The following FER1L6 variants were observed in gnomAD, a reference collection of about 807,000 sequenced individuals.
FER1L6 encodes fer-1 like family member 6.
In FER1L6, 177 loss-of-function variants were observed where a neutral mutation model predicts 219.2. That is an observed-to-expected ratio of 0.81 (90% CI 0.71 to 0.91). The LOEUF (loss-of-function observed/expected upper bound fraction) is 0.91, where lower values mean the gene tolerates loss of function less well. FER1L6 is among the 40% of genes least tolerant of loss of function. The pLI, the probability that FER1L6 is intolerant of heterozygous loss-of-function variation, is 0.00. For missense variants in FER1L6, 2,153 were observed against 2,259.9 expected (o/e 0.95, Z 0.96); for synonymous variants, 768 against 824.3 (o/e 0.93, Z 1.17).
intron 2 of FER1L6, 70 bp from the exon 3 acceptor site, chr8:123,963,208 A>G: frequency 6.3e-7 from 1 of 1,598,610 alleles, no homozygotes; most frequent in Non-Finnish European, 8.5e-7. Flanking sequence ...CAGGGCTGGC[A>G]TAAGGTAGAG....
In FER1L6 at chr8:124,062,051, A is replaced by C; in HGVS notation, c.3328+19A>C. 6.2e-7 allele frequency: 1 copy of C among 1,613,354 alleles called. No homozygotes were observed. The highest frequency in any genetic ancestry group is 2.2e-5 in the East Asian group (1 of 44,872). On this transcript the variant is annotated intron_variant, in intron 25 of 40. Transcript: ENST00000522917. The stretch of plus-strand genomic sequence containing the variant: ...GGGCACGGTGAGAAGCTGCTCTTAG[A>C]TTTTGTAGCTGTAACTATAAAGTCA...
chr8:123,976,852 G>A (rs933591213), intron 9 of FER1L6, among the ~76,000 whole-genome samples: 4 of 152,198 alleles, frequency 2.6e-5, no homozygotes, highest in African/African-American at 9.6e-5. Context: ...GGAGCCATTG[G>A]AGGTGTCAGG....
Position 123,872,284 on chromosome 8 carries a change from G to A in FER1L6, c.-8+20099G>A, listed in dbSNP as rs114282385. ...AATTACATTTCAACATGAGATTTGG[G>A]TGAGGACAAGTATCCAAACTATATC... is the stretch of plus-strand genomic sequence containing the variant. On this transcript the variant is annotated intron_variant, in intron 1 of 40. Transcript: ENST00000522917. Among the ~76,000 whole-genome samples, 764 of 152,246 alleles carry A rather than the reference G, an allele frequency of 5.0e-3. 5 individuals are homozygous for A. The highest frequency in any genetic ancestry group is 0.017 in the African/African-American group (718 of 41,542).
intron 14 of FER1L6, among the ~76,000 whole-genome samples, chr8:124,011,586 C>G (rs1817924896): frequency 6.6e-6 from 1 of 151,848 alleles, no homozygotes; most frequent in Non-Finnish European, 1.5e-5. Flanking sequence ...CCTAGGCAAC[C>G]CTCCCACCTC....
chr8:124,106,678 TCCTGGGTATCCTCAG>T (rs1335021667), intron 39 of FER1L6, among the ~76,000 whole-genome samples: 2 of 152,244 alleles, frequency 1.3e-5, no homozygotes, highest in African/African-American at 4.8e-5. Flanking sequence ...TGAGAAGCCT[TCCTGGGTATCCTCAG>T]CCTGGGTGGG....
At chr8:123,915,137 T>C (rs1346539396) in intron 1 of FER1L6, among the ~76,000 whole-genome samples, 3 of 152,050 alleles carry the variant, frequency 2.0e-5, no homozygotes, top group Non-Finnish European at 4.4e-5. Flanking sequence ...CTTTTCTTCC[T>C]CTTCCCATTT....
At chr8:123,882,833 A>G (rs1817133784) in intron 1 of FER1L6, among the ~76,000 whole-genome samples, 1 of 152,202 alleles carries the variant, frequency 6.6e-6, no homozygotes, top group South Asian at 2.1e-4. Context: ...ATCCATACCC[A>G]TAGAATGTAC....
At chr8:123,933,946 T>C (rs1489402795) in intron 1 of FER1L6, among the ~76,000 whole-genome samples, 1 of 152,126 alleles carries the variant, frequency 6.6e-6, no homozygotes, top group East Asian at 1.9e-4. Context: ...CACCATCTGT[T>C]TTCTGTTTTC....
intron 1 of FER1L6, among the ~76,000 whole-genome samples, chr8:123,874,010 T>C (rs1200233419): frequency 6.6e-6 from 1 of 152,226 alleles, no homozygotes; most frequent in Admixed American, 6.5e-5. Context: ...GAACATCTTA[T>C]AATTACCACC....
chr8:123,997,887 G>T (rs1423796780), intron 12 of FER1L6, among the ~76,000 whole-genome samples: 1 of 152,000 alleles, frequency 6.6e-6, no homozygotes, highest in Non-Finnish European at 1.5e-5. Flanking sequence ...TGTTAAATTT[G>T]TCTGGTAGTA....
At chr8:123,888,353 G>A (rs1389723234) in intron 1 of FER1L6, among the ~76,000 whole-genome samples, 1 of 152,076 alleles carries the variant, frequency 6.6e-6, no homozygotes, top group Non-Finnish European at 1.5e-5. Context: ...CTGGCCTGTT[G>A]CAATCCACCT....
At chr8:124,048,873 T>C (rs1376791781) in intron 21 of FER1L6, among the ~76,000 whole-genome samples, 1 of 152,242 alleles carries the variant, frequency 6.6e-6, no homozygotes, top group Non-Finnish European at 1.5e-5. Context: ...AGTGATGCCC[T>C]GCCCTGCAGA....
At chr8:123,941,042 A>G (rs914594744) in intron 1 of FER1L6, among the ~76,000 whole-genome samples, 10 of 152,198 alleles carry the variant, frequency 6.6e-5, no homozygotes, top group African/African-American at 2.4e-4. Context: ...TATTTTGTTC[A>G]ATAAACGTTT....
intron 12 of FER1L6, among the ~76,000 whole-genome samples, chr8:124,000,300 T>C (rs1002614843): frequency 2.6e-5 from 4 of 152,210 alleles, no homozygotes; most frequent in African/African-American, 9.6e-5. Flanking sequence ...TTTCCTACCT[T>C]CTTCAGTGCT....
chr8:124,078,719 T>G (rs60796849), intron 32 of FER1L6, among the ~76,000 whole-genome samples: 2 of 3,898 alleles, frequency 5.1e-4, no homozygotes, highest in South Asian at 8.2e-3. Flanking sequence ...TGGGATGGGA[T>G]GGGTGGGAAG....
At chr8:123,879,883 G>T (rs1202442084) in intron 1 of FER1L6, among the ~76,000 whole-genome samples, 1 of 152,140 alleles carries the variant, frequency 6.6e-6, no homozygotes, top group Non-Finnish European at 1.5e-5. Context: ...GAAGCTGTTT[G>T]TCCATTGGAT....
At chr8:123,940,424 G>T (rs1814192009) in intron 1 of FER1L6, among the ~76,000 whole-genome samples, 1 of 152,070 alleles carries the variant, frequency 6.6e-6, no homozygotes, top group African/African-American at 2.4e-5. Context: ...TGCAACCTCC[G>T]CCTCCCAAGT....
chr8:123,906,277 G>T (rs1812951358), intron 1 of FER1L6, among the ~76,000 whole-genome samples: 1 of 152,100 alleles, frequency 6.6e-6, no homozygotes, highest in Admixed American at 6.6e-5. Flanking sequence ...TAACCTCTAG[G>T]GGTATGGTGT....
At chr8:123,938,753 G>T (rs895472589) in intron 1 of FER1L6, among the ~76,000 whole-genome samples, 1 of 151,770 alleles carries the variant, frequency 6.6e-6, no homozygotes, top group African/African-American at 2.4e-5. Flanking sequence ...TTGCCCTTTT[G>T]CCCAGGCTGG....
Sources: gnomAD v4.1 joint callset for allele counts (sites outside exome capture counted in the v4.1 genomes callset) on GRCh38, gnomAD v4.1.1 for gene constraint, MANE v1.5 for transcripts, NCBI Gene and HGNC (gene_info 2026-07-23, HGNC 2026-07-21) for gene names.